The following CACNA2D3 variants were observed in gnomAD, a reference collection of about 807,000 sequenced individuals.
The protein encoded by CACNA2D3 is calcium voltage-gated channel auxiliary subunit alpha2delta 3.
Under a neutral mutation model 160.6 loss-of-function variants are expected in CACNA2D3, and 60 were observed. The observed-to-expected ratio is 0.37, with a 90% CI of 0.30 to 0.46. The LOEUF (loss-of-function observed/expected upper bound fraction) is 0.46, where lower values mean the gene tolerates loss of function less well. CACNA2D3 is among the 20% of genes least tolerant of loss of function. The pLI is 1.00. For missense variants in CACNA2D3, 1,205 were observed against 1,365.0 expected (o/e 0.88, Z 1.85); for synonymous variants, 558 against 492.9 (o/e 1.13, Z -1.75).
intron 2 of CACNA2D3, among the ~76,000 whole-genome samples, chr3:54,227,525 G>A (rs1313940823): frequency 2.1e-5 from 3 of 141,454 alleles, no homozygotes; most frequent in African/African-American, 7.8e-5. Flanking sequence ...ACAAGACAGA[G>A]CCAAACATTT....
chr3:54,279,003 A>T (rs1361300558), intron 2 of CACNA2D3, among the ~76,000 whole-genome samples: 1 of 152,222 alleles, frequency 6.6e-6, no homozygotes, highest in Non-Finnish European at 1.5e-5. Context: ...ACCAGTATTG[A>T]CAGCCCAGCT....
At chr3:54,816,929 CCATG>C in intron 14 of CACNA2D3, 59 bp downstream of exon 14, 1 of 1,575,764 alleles carries the variant, frequency 6.3e-7, no homozygotes, top group Non-Finnish European at 8.7e-7. Flanking sequence ...ATGCATGCCT[CCATG>C]GTGTTGTACA....
chr3:54,927,292 GTTTAA>G (rs149022454), intron 27 of CACNA2D3, among the ~76,000 whole-genome samples: 1,650 of 152,308 alleles, frequency 0.011, 37 homozygotes, highest in African/African-American at 0.038. Flanking sequence ...AGTCTTCTCA[GTTTAA>G]TTTAGTTTAA....
chr3:54,184,717 CTCT>C (rs1300495802), intron 2 of CACNA2D3, among the ~76,000 whole-genome samples: 1 of 152,174 alleles, frequency 6.6e-6, no homozygotes, highest in East Asian at 1.9e-4. Flanking sequence ...CAGTTCTTAT[CTCT>C]TCTTGGTTTG....
chr3:54,314,961 T>G (rs11923283), intron 2 of CACNA2D3, among the ~76,000 whole-genome samples: 28,139 of 152,248 alleles, frequency 0.18, 2,893 homozygotes, highest in East Asian at 0.28. Flanking sequence ...CTTTCTTAAC[T>G]CCTTTTCCCA....
intron 2 of CACNA2D3, among the ~76,000 whole-genome samples, chr3:54,181,805 C>G (rs923402616): frequency 3.3e-5 from 5 of 152,290 alleles, no homozygotes; most frequent in South Asian, 4.1e-4. Flanking sequence ...AGTTGATTCC[C>G]TGTTTTGGCC....
At chr3:55,057,125 G>A (rs997286478) in intron 35 of CACNA2D3, among the ~76,000 whole-genome samples, 6 of 152,230 alleles carry the variant, frequency 3.9e-5, no homozygotes, top group South Asian at 4.2e-4. Flanking sequence ...TGCCGCTCTC[G>A]TGATAGTGAA....
At chr3:54,436,605 A>G (rs887938834) in intron 4 of CACNA2D3, among the ~76,000 whole-genome samples, 1 of 152,254 alleles carries the variant, frequency 6.6e-6, no homozygotes, top group African/African-American at 2.4e-5. Context: ...GCCATAAAAA[A>G]GAATAGAGTC....
In CACNA2D3 at chr3:54,255,988, GA is replaced by G. The variant is rs939944178; in HGVS notation, c.205-64444del. ...TGGGGTGGGCAATGAGACACATAATGAAAAAAAAAATGCAAAAGCATAGTTG... is the reference window on the plus strand; with the variant it reads ...TGGGGTGGGCAATGAGACACATAATGAAAAAAAAATGCAAAAGCATAGTTG... On this transcript the variant is annotated intron_variant, in intron 2 of 37. Coordinates refer to ENST00000474759, the MANE Select transcript of CACNA2D3 (RefSeq NM_018398.3). 2.5e-4 allele frequency among the ~76,000 whole-genome samples: 37 copies of G among 148,404 alleles called. No individual in the cohort carries two copies. In the South Asian group the frequency reaches 3.6e-3, roughly 15 times the overall value.
intron 35 of CACNA2D3, among the ~76,000 whole-genome samples, chr3:55,018,871 C>T (rs904238463): frequency 1.3e-4 from 20 of 150,632 alleles, no homozygotes; most frequent in Middle Eastern, 3.5e-3. Flanking sequence ...CTTTCTCTTT[C>T]GGATACTATT....
intron 4 of CACNA2D3, among the ~76,000 whole-genome samples, chr3:54,469,538 A>G (rs1700691060): frequency 1.3e-5 from 2 of 152,092 alleles, no homozygotes; most frequent in African/African-American, 2.4e-5. Flanking sequence ...AAGGATCACA[A>G]CGCCTTGACA....
At chr3:55,020,018 G>A (rs116094796) in intron 35 of CACNA2D3, among the ~76,000 whole-genome samples, 1,678 of 152,050 alleles carry the variant, frequency 0.011, 27 homozygotes, top group African/African-American at 0.039. Flanking sequence ...TGGTAGTAAC[G>A]ATTTATGAGG....
chr3:54,838,458 T>C lies in CACNA2D3; in HGVS notation c.1471-110T>C, dbSNP rs535495543. ...GAGATATGGGTTAATCCTCAATCTG[T>C]ATCAGTTTGGGGAAGGCACCAGGCA... On this transcript the variant is annotated intron_variant, in intron 15 of 37. Coordinates refer to ENST00000474759, the MANE Select transcript of CACNA2D3 (RefSeq NM_018398.3). 1.1e-5 allele frequency: 9 copies of C among 825,038 alleles called. No individual in the cohort carries two copies. The African/African-American group carries it at 1.3e-4, about 12-fold the overall frequency. 51.1% of individuals were successfully genotyped at this position (825,038 alleles called of 1,614,324 possible). A position where few individuals can be genotyped will look rare whatever the true frequency, so the allele number is the denominator to read the frequency against.
At chr3:54,685,605 C>T (rs571313618) in intron 11 of CACNA2D3, among the ~76,000 whole-genome samples, 44 of 152,326 alleles carry the variant, frequency 2.9e-4, no homozygotes, top group African/African-American at 9.6e-4. Flanking sequence ...TTGCTCTTGA[C>T]TAGCAATGTA....
At chr3:54,866,800 G>A (rs935686504) in intron 17 of CACNA2D3, among the ~76,000 whole-genome samples, 13 of 152,208 alleles carry the variant, frequency 8.5e-5, no homozygotes, top group Admixed American at 1.3e-4. Flanking sequence ...CTGTGCTGCA[G>A]GCAAGTCCTG....
At chr3:54,292,998 A>T (rs918853110) in intron 2 of CACNA2D3, among the ~76,000 whole-genome samples, 2 of 152,226 alleles carry the variant, frequency 1.3e-5, no homozygotes, top group Admixed American at 1.3e-4. Flanking sequence ...AACCATAAAA[A>T]GGAATGAATT....
chr3:54,827,608 TC>T (rs1703774823), intron 14 of CACNA2D3, among the ~76,000 whole-genome samples: 1 of 152,190 alleles, frequency 6.6e-6, no homozygotes, highest in South Asian at 2.1e-4. Flanking sequence ...TCTCAGCACT[TC>T]CTTACAGTCT....
intron 27 of CACNA2D3, among the ~76,000 whole-genome samples, chr3:54,951,933 C>G (rs1387317413): frequency 6.6e-6 from 1 of 152,132 alleles, no homozygotes; most frequent in Non-Finnish European, 1.5e-5. Context: ...ACTGCAACCT[C>G]CCTACCCCAG....
At chr3:54,166,664 T>C (rs1195416433) in intron 2 of CACNA2D3, among the ~76,000 whole-genome samples, 1 of 152,254 alleles carries the variant, frequency 6.6e-6, no homozygotes, top group Non-Finnish European at 1.5e-5. Context: ...TTAGTGATGC[T>C]ATTGCCTGTG....
Sources: allele counts gnomAD v4.1 joint callset (sites outside exome capture counted in the v4.1 genomes callset), GRCh38; gene constraint gnomAD v4.1.1; transcripts MANE v1.5; gene names NCBI Gene and HGNC (gene_info 2026-07-23, HGNC 2026-07-21).